ZNF365: variants seen among roughly 807,000 people sequenced by gnomAD.
ZNF365 encodes the protein protein ZNF365.
In ZNF365, 22 loss-of-function variants were observed where a neutral mutation model predicts 35.0. The observed-to-expected ratio is 0.63, with a 90% CI of 0.45 to 0.90. ZNF365 has a LOEUF of 0.90. Among genes scored for constraint, ZNF365 ranks in the 40% least tolerant of loss-of-function variants. ZNF365 has a pLI of 0.00. For synonymous variants in ZNF365, 188 were observed against 196.2 expected (o/e 0.96, Z 0.35); for missense variants, 448 against 500.3 (o/e 0.90, Z 1.00).
chr10:62,409,649 T>G (rs1839956797), intron 3 of ZNF365, among the ~76,000 whole-genome samples: 1 of 152,080 alleles, frequency 6.6e-6, no homozygotes, highest in Non-Finnish European at 1.5e-5. Flanking sequence ...GTACTACATA[T>G]GCCTAATAGG....
At chr10:62,462,480 C>T (rs904731554) in intron 4 of ZNF365, among the ~76,000 whole-genome samples, 2 of 152,282 alleles carry the variant, frequency 1.3e-5, no homozygotes, top group South Asian at 2.1e-4. Context: ...GGTGGGTTTT[C>T]TCACCTCCTA....
intron 3 of ZNF365, among the ~76,000 whole-genome samples, chr10:62,451,876 T>C (rs1453276346): frequency 1.3e-5 from 2 of 152,140 alleles, no homozygotes; most frequent in Admixed American, 6.5e-5. Context: ...TTGTCATGGG[T>C]AATGTGACAA....
chr10:62,480,136 C>G, exon 5 of ZNF365: 1 of 1,303,440 alleles, frequency 7.7e-7, no homozygotes, highest in Non-Finnish European at 9.8e-7. Context: ...GGGCACAGCC[C>G]ACCCCTCATG....
intron 3 of ZNF365, among the ~76,000 whole-genome samples, chr10:62,453,985 G>A (rs560723740): frequency 5.7e-4 from 87 of 152,312 alleles, no homozygotes; most frequent in African/African-American, 2.1e-3. Context: ...CAGCCTGATT[G>A]TGAACTTACT....
intron 3 of ZNF365, among the ~76,000 whole-genome samples, chr10:62,421,686 G>A (rs904769531): frequency 7.2e-5 from 11 of 152,266 alleles, no homozygotes; most frequent in Admixed American, 2.0e-4. Context: ...TCTCCAAATA[G>A]TAAACAATAA....
chr10:62,442,505 G>A (rs933358125), intron 3 of ZNF365, among the ~76,000 whole-genome samples: 5 of 152,176 alleles, frequency 3.3e-5, no homozygotes, highest in African/African-American at 1.2e-4. Flanking sequence ...ACAGGCTTAC[G>A]TTACAATTGC....
chr10:62,434,508 C>T (rs1382392627), intron 3 of ZNF365, among the ~76,000 whole-genome samples: 1 of 152,056 alleles, frequency 6.6e-6, no homozygotes, highest in East Asian at 1.9e-4. Context: ...GAATGAAGAG[C>T]CTTCTTGCAT....
chr10:62,473,656 T>G (rs1257247368), intron 4 of ZNF365, among the ~76,000 whole-genome samples: 1 of 152,002 alleles, frequency 6.6e-6, no homozygotes, highest in African/African-American at 2.4e-5. Flanking sequence ...GGGCTAAAGC[T>G]CTTAGAACCA....
chr10:62,376,218 A>C lies in ZNF365; in HGVS notation c.25A>C (p.Ser9Arg). The change falls in exon 2 of 5, where the codon AGC becomes CGC. Residue 9 changes from serine (S) to arginine (R), a missense_variant. Physicochemically the swap from Ser to Arg is moderately radical, Grantham distance 110. Transcript: ENST00000395254. Reference sequence around the variant, plus strand: ...AATGCAACAGAAGGCTTTTGAGGAAAGCAGATATCCCTGGCAGGAGTCCTT... The same window carrying C: ...AATGCAACAGAAGGCTTTTGAGGAACGCAGATATCCCTGGCAGGAGTCCTT... MQQKAFEE[S>R]RYPWQESFEN... The C allele has an allele frequency of 1.2e-6, 2 of 1,614,134 alleles. No homozygotes were observed. The highest frequency in any genetic ancestry group is 1.7e-6 in the Non-Finnish European group (2 of 1,180,022).
chr10:62,438,292 G>A (rs375956202), intron 3 of ZNF365, among the ~76,000 whole-genome samples: 30 of 151,624 alleles, frequency 2.0e-4, no homozygotes, highest in African/African-American at 6.3e-4. Context: ...AGGCTCAAGC[G>A]ATTCTCGTGC....
chr10:62,387,639 T>C (rs993150291), intron 2 of ZNF365, among the ~76,000 whole-genome samples: 7 of 152,164 alleles, frequency 4.6e-5, no homozygotes, highest in Non-Finnish European at 1.0e-4. Context: ...GCTTCTCTTA[T>C]GTCAGCATTA....
chr10:62,417,246 G>A (rs1324160360), intron 3 of ZNF365, among the ~76,000 whole-genome samples: 1 of 152,038 alleles, frequency 6.6e-6, no homozygotes, highest in Non-Finnish European at 1.5e-5. Context: ...GCCTAATGCT[G>A]ATTATTACTG....
chr10:62,405,266 C>T (rs574821500), downstream of ZNF365, among the ~76,000 whole-genome samples: 2 of 152,174 alleles, frequency 1.3e-5, no homozygotes, highest in East Asian at 1.9e-4. Flanking sequence ...GCTCCAGCAT[C>T]GTGCCTTCTT....
chr10:62,424,453 C>A (rs1461456608), intron 3 of ZNF365, among the ~76,000 whole-genome samples: 1 of 152,136 alleles, frequency 6.6e-6, no homozygotes, highest in Non-Finnish European at 1.5e-5. Flanking sequence ...TATGTCTCAT[C>A]CTTGGGATAA....
At chr10:62,467,613 G>A (rs750314923) in intron 4 of ZNF365, among the ~76,000 whole-genome samples, 4 of 152,206 alleles carry the variant, frequency 2.6e-5, no homozygotes, top group Non-Finnish European at 5.9e-5. Flanking sequence ...TATGGGTTGA[G>A]GGATGATGAC....
At chr10:62,432,470 T>C (rs983117547) in intron 3 of ZNF365, among the ~76,000 whole-genome samples, 27 of 152,212 alleles carry the variant, frequency 1.8e-4, no homozygotes, top group Non-Finnish European at 2.8e-4. Flanking sequence ...TTTTTCTGTC[T>C]TGGAGTCTGA....
rs547383793 is a variant in ZNF365, at chr10:62,388,461, G to A, written c.809G>A (p.Arg270Gln). ...AAEKEVQGKA[R>Q]LQDFIENLLQ... ...GAGAAGGAGGTTCAAGGGAAAGCCC[G>A]GCTCCAGGACTTTATTGAGAATCTG... The change falls in exon 3 of 5, where the codon CGG (arginine) becomes CAG (glutamine). Residue 270 changes from arginine (R) to glutamine (Q), a missense_variant. Transcript: ENST00000395254. 3.7e-6 allele frequency: 6 copies of A among 1,614,208 alleles called. No homozygotes were observed. Among genetic ancestry groups the A allele is most frequent in the East Asian group, 4.5e-5 (2 of 44,890 alleles).
intron 3 of ZNF365, among the ~76,000 whole-genome samples, chr10:62,391,762 C>T (rs1839634827): frequency 6.6e-6 from 1 of 152,172 alleles, no homozygotes. Context: ...TGGGTAGATA[C>T]CCAGTAGTGG....
rs555921334 is a variant in ZNF365, at chr10:62,380,466, C to G, written c.743+3530C>G. Among the ~76,000 whole-genome samples the G allele has an allele frequency of 4.6e-5, 7 of 152,276 alleles. No individual in the cohort carries two copies. The East Asian group carries it at 1.3e-3, about 29-fold the overall frequency. On this transcript the variant is annotated intron_variant, in intron 2 of 4. Coordinates refer to ENST00000395254, the MANE Select transcript of ZNF365 (RefSeq NM_014951.3). ...TCATTTGTTTATGTTATCAGTAAGGCTTCTGGTTAGCAGTAGGCTATTAGG... is the reference window on the plus strand; with the variant it reads ...TCATTTGTTTATGTTATCAGTAAGGGTTCTGGTTAGCAGTAGGCTATTAGG...
Sources: gnomAD v4.1 joint callset for allele counts (sites outside exome capture counted in the v4.1 genomes callset) on GRCh38, gnomAD v4.1.1 for gene constraint, MANE v1.5 for transcripts, NCBI Gene and HGNC (gene_info 2026-07-23, HGNC 2026-07-21) for gene names.